Variants in CFAP95 observed in about 807,000 individuals in gnomAD.
CFAP95 encodes the protein cilia- and flagella-associated protein 95.
At chr9:69,853,967 T>C in the CFAP95 span, among the ~76,000 whole-genome samples, 2 of 152,214 alleles carry the variant, frequency 1.3e-5, no homozygotes, top group Non-Finnish European at 2.9e-5. Flanking sequence ...CTATTTCCAC[T>C]TATGCTTAAT....
the CFAP95 span, among the ~76,000 whole-genome samples, chr9:69,873,590 G>T: frequency 6.6e-6 from 1 of 152,170 alleles, no homozygotes; most frequent in African/African-American, 2.4e-5. Context: ...CTTAAGTAAT[G>T]AATACTGCTT....
the CFAP95 span, chr9:69,844,715 C>T: frequency 3.4e-6 from 3 of 877,832 alleles, no homozygotes; most frequent in Admixed American, 2.5e-5. Flanking sequence ...TTGTGCAGCA[C>T]CATCCCTCGT....
chr9:69,883,035 A>C, the CFAP95 span, among the ~76,000 whole-genome samples: 1 of 152,092 alleles, frequency 6.6e-6, no homozygotes, highest in Non-Finnish European at 1.5e-5. Flanking sequence ...TCAGTTCTTT[A>C]AATGTTTGGT....
the CFAP95 span, among the ~76,000 whole-genome samples, chr9:69,828,994 T>C: frequency 2.6e-4 from 39 of 152,232 alleles, no homozygotes; most frequent in Admixed American, 4.6e-4. Context: ...TGAGTCACCC[T>C]CCATGGTTTA....
chr9:69,856,777 A>AT, the CFAP95 span: 2 of 638,650 alleles, frequency 3.1e-6, no homozygotes, highest in Non-Finnish European at 5.4e-6. Flanking sequence ...CTAAAGGAAC[A>AT]TATCAAGCAC....
the CFAP95 span, among the ~76,000 whole-genome samples, chr9:69,823,712 A>G: frequency 2.0e-5 from 3 of 152,284 alleles, no homozygotes; most frequent in East Asian, 5.8e-4. Flanking sequence ...GCTGAGTCTG[A>G]AAAGAGAGTC....
chr9:69,849,793 T>C, the CFAP95 span, among the ~76,000 whole-genome samples: 3 of 152,170 alleles, frequency 2.0e-5, no homozygotes, highest in Non-Finnish European at 2.9e-5. Context: ...AGTGAGGCCA[T>C]TGGGGAAATA....
chr9:69,823,989 G>T, the CFAP95 span, among the ~76,000 whole-genome samples: 1 of 152,126 alleles, frequency 6.6e-6, no homozygotes. Flanking sequence ...GTACGTGCAG[G>T]TCACCGGCGA....
At chr9:69,861,746 A>C in the CFAP95 span, among the ~76,000 whole-genome samples, 9 of 151,234 alleles carry the variant, frequency 6.0e-5, no homozygotes, top group African/African-American at 1.5e-4. Context: ...AAAAAAAAAA[A>C]AAAAAAACAC....
the CFAP95 span, among the ~76,000 whole-genome samples, chr9:69,876,124 A>G: frequency 6.5e-3 from 984 of 152,280 alleles, 11 homozygotes; most frequent in African/African-American, 0.022. Flanking sequence ...GAACATATTT[A>G]TTGTTTCATA....
the CFAP95 span, among the ~76,000 whole-genome samples, chr9:69,840,008 C>T: frequency 4.0e-5 from 6 of 150,148 alleles, no homozygotes; most frequent in Admixed American, 6.6e-5. Context: ...ACCCAGGAGG[C>T]GGAGGTTGTA....
chr9:69,851,039 C>T, the CFAP95 span, among the ~76,000 whole-genome samples: 1 of 152,170 alleles, frequency 6.6e-6, no homozygotes, highest in Admixed American at 6.6e-5. Context: ...CATTTTGATC[C>T]CATCACTTTC....
the CFAP95 span, among the ~76,000 whole-genome samples, chr9:69,823,298 C>T: frequency 2.0e-5 from 3 of 152,196 alleles, no homozygotes; most frequent in African/African-American, 7.2e-5. Flanking sequence ...AATCACCTAC[C>T]TCCCTTGACA....
At chr9:69,892,316 T>G in the CFAP95 span, among the ~76,000 whole-genome samples, 13 of 152,190 alleles carry the variant, frequency 8.5e-5, no homozygotes, top group Admixed American at 2.0e-4. Flanking sequence ...AGAAGCCAGA[T>G]CAGTACCTGG....
At chr9:69,890,156 G>T in the CFAP95 span, among the ~76,000 whole-genome samples, 2 of 151,732 alleles carry the variant, frequency 1.3e-5, no homozygotes, top group African/African-American at 4.9e-5. Flanking sequence ...TTAAATAAAA[G>T]AAATCTAATT....
the CFAP95 span, among the ~76,000 whole-genome samples, chr9:69,881,047 A>T: frequency 1.3e-5 from 2 of 151,816 alleles, no homozygotes; most frequent in Non-Finnish European, 2.9e-5. Context: ...TGAGCTCTTT[A>T]TATATTCTGG....
At chr9:69,857,092 A>C in the CFAP95 span, among the ~76,000 whole-genome samples, 1 of 152,204 alleles carries the variant, frequency 6.6e-6, no homozygotes, top group South Asian at 2.1e-4. Context: ...AGACGAAATA[A>C]AGTATGAAGT....
chr9:69,860,733 AT>A, the CFAP95 span, among the ~76,000 whole-genome samples: 350 of 151,594 alleles, frequency 2.3e-3, 2 homozygotes, highest in African/African-American at 8.0e-3. Context: ...TTATTAAACA[AT>A]TTTTTTTACT....
At chr9:69,875,878 G>T in the CFAP95 span, among the ~76,000 whole-genome samples, 1 of 151,978 alleles carries the variant, frequency 6.6e-6, no homozygotes, top group Non-Finnish European at 1.5e-5. Context: ...CCATTTTCTT[G>T]CAGGACATTA....
Sources: allele counts gnomAD v4.1 joint callset (sites outside exome capture counted in the v4.1 genomes callset), GRCh38; gene constraint gnomAD v4.1.1; transcripts MANE v1.5; gene names NCBI Gene and HGNC (gene_info 2026-07-23, HGNC 2026-07-21).